ACYP2: variants seen among roughly 807,000 people sequenced by gnomAD.
ACYP2 encodes the protein acylphosphatase-2.
In ACYP2, 12 loss-of-function variants were observed where a neutral mutation model predicts 11.2. That is an observed-to-expected ratio of 1.08 (90% confidence interval 0.69 to 1.74). The LOEUF is 1.74. Ranked by LOEUF, ACYP2 falls within the 40% of genes most tolerant of loss-of-function variation. ACYP2 has a pLI of 0.00. For synonymous variants in ACYP2, 43 were observed against 32.2 expected, an observed-to-expected ratio of 1.33 and a Z score of -1.13; for missense variants, 134 against 101.9, an observed-to-expected ratio of 1.31 and a Z score of -1.35.
intron 6 of ACYP2, among the ~76,000 whole-genome samples, chr2:54,211,762 G>C (rs1219266096): frequency 6.6e-6 from 1 of 152,070 alleles, no homozygotes; most frequent in Non-Finnish European, 1.5e-5. Context: ...CCATTTCTTT[G>C]TCTATGTATT....
At chr2:54,001,712 G>A (rs923142891) in intron 2 of ACYP2, among the ~76,000 whole-genome samples, 3 of 152,154 alleles carry the variant, frequency 2.0e-5, no homozygotes, top group Admixed American at 1.3e-4. Context: ...TTATTTCTGC[G>A]TCCTATTCCT....
At chr2:54,101,689 AAC>A (rs1280913791) in intron 4 of ACYP2, among the ~76,000 whole-genome samples, 2 of 143,982 alleles carry the variant, frequency 1.4e-5, no homozygotes, top group Non-Finnish European at 3.1e-5. Context: ...AAAAAAAAAA[AAC>A]TGCCAGGTGA....
chr2:54,120,593 T>G (rs1262201955), intron 4 of ACYP2, among the ~76,000 whole-genome samples: 1 of 152,166 alleles, frequency 6.6e-6, no homozygotes, highest in Non-Finnish European at 1.5e-5. Flanking sequence ...CAGTGCCACT[T>G]TGCCAGCCAG....
intron 4 of ACYP2, among the ~76,000 whole-genome samples, chr2:54,076,726 G>T (rs1207000809): frequency 1.3e-5 from 2 of 152,154 alleles, no homozygotes; most frequent in Admixed American, 1.3e-4. Flanking sequence ...GGGAGAGAGA[G>T]AGAGGGTACA....
At chr2:54,171,151 G>A in intron 6 of ACYP2, among the ~76,000 whole-genome samples, 1 of 152,132 alleles carries the variant, frequency 6.6e-6, no homozygotes, top group East Asian at 1.9e-4. Flanking sequence ...TATGTGATCA[G>A]CAGGGGACAG....
At chr2:54,266,146 A>G (rs973749879) in intron 6 of ACYP2, among the ~76,000 whole-genome samples, 4 of 152,242 alleles carry the variant, frequency 2.6e-5, no homozygotes, top group Non-Finnish European at 5.9e-5. Context: ...CTTCAAAATA[A>G]CAATAATGGA....
chr2:53,977,734 CAAAA>C (rs56342315), intron 2 of ACYP2, among the ~76,000 whole-genome samples: 1 of 71,560 alleles, frequency 1.4e-5, no homozygotes. Context: ...GACTCCATCT[CAAAA>C]AAAAAAAAAA....
chr2:54,084,108 G>T lies in ACYP2; in HGVS notation c.277+26748G>T, dbSNP rs114847297. Reference sequence around the variant, plus strand: ...TATAACGTTTCTTCCATCTCTAAAGGTTCAGCTCCTTACATGGGCTTTGGT... The same window carrying T: ...TATAACGTTTCTTCCATCTCTAAAGTTTCAGCTCCTTACATGGGCTTTGGT... On this transcript the variant is annotated intron_variant, in intron 4 of 6. Coordinates refer to ENST00000607452, the MANE Select transcript of ACYP2 (RefSeq NM_001320586.2). 1.2e-4 allele frequency among the ~76,000 whole-genome samples: 18 copies of T among 151,874 alleles called. No homozygotes were observed. The East Asian group carries it at 1.7e-3, about 15-fold the overall frequency.
chr2:54,177,001 T>A, intron 6 of ACYP2, among the ~76,000 whole-genome samples: 1 of 152,188 alleles, frequency 6.6e-6, no homozygotes, highest in East Asian at 1.9e-4. Flanking sequence ...CAAACCCGCA[T>A]GCAAATCTCA....
At position 54,304,836 on chromosome 2, in the gene ACYP2, G is replaced by A. The variant is rs1420707961; in HGVS notation, c.*34G>A. On this transcript the variant is annotated 3_prime_UTR_variant, in exon 7 of 7. Coordinates refer to ENST00000607452, the MANE Select transcript of ACYP2 (RefSeq NM_001320586.2). ...AAAAATTGTAACACACTGAACAATA[G>A]ATACTGTATGTTCTTAAGACTATGT... The A allele has an allele frequency of 8.3e-7, 1 of 1,199,736 alleles. No homozygotes were observed. The highest frequency in any genetic ancestry group is 1.3e-5 in the South Asian group (1 of 79,178). 74.3% of individuals were successfully genotyped at this position (1,199,736 alleles called of 1,614,324 possible). A position where few individuals can be genotyped will look rare whatever the true frequency, so the allele number is the denominator to read the frequency against.
rs1678672794 is a variant in ACYP2, at chr2:54,097,830, A to G, written c.278-37623A>G. Among the ~76,000 whole-genome samples, 5 of 151,132 alleles carry G rather than the reference A, an allele frequency of 3.3e-5. No individual in the cohort carries two copies. In the South Asian group the frequency reaches 1.0e-3, roughly 32 times the overall value. ...ACCATGCTATTATTATACCTAATGAATTAACAATTTCTTTTATTTTCTTCT... is the reference window on the plus strand; with the variant it reads ...ACCATGCTATTATTATACCTAATGAGTTAACAATTTCTTTTATTTTCTTCT... On this transcript the variant is annotated intron_variant, in intron 4 of 6. Transcript: ENST00000607452.
chr2:54,218,578 T>A (rs1239379614), intron 6 of ACYP2, among the ~76,000 whole-genome samples: 2 of 152,206 alleles, frequency 1.3e-5, no homozygotes, highest in Non-Finnish European at 2.9e-5. Context: ...AGGATTGCAT[T>A]TTGCTTCATT....
chr2:54,248,748 C>G (rs12615749), intron 6 of ACYP2, among the ~76,000 whole-genome samples: 20,036 of 152,172 alleles, frequency 0.13, 1,271 homozygotes, highest in East Asian at 0.16. Context: ...CCTTGAAGAA[C>G]TTAAAATTGA....
rs190841781 is a variant in ACYP2, at chr2:54,036,245, C to T, written c.63-14713C>T. ...ACGTAGCTGGGATTACAGCAGTATG[C>T]CACCACACCTGGCTAATTTTTGTAT... On this transcript the variant is annotated intron_variant, in intron 2 of 6. Coordinates refer to ENST00000607452, the MANE Select transcript of ACYP2 (RefSeq NM_001320586.2). Among the ~76,000 whole-genome samples the T allele has an allele frequency of 2.6e-3, 395 of 152,248 alleles. 1 individual carries two copies. The highest frequency in any genetic ancestry group is 7.8e-3 in the African/African-American group (325 of 41,544).
intron 6 of ACYP2, among the ~76,000 whole-genome samples, chr2:54,249,623 G>A (rs1327174900): frequency 6.6e-6 from 1 of 152,014 alleles, no homozygotes; most frequent in Non-Finnish European, 1.5e-5. Context: ...ATATTTAGAA[G>A]AGATTATGTT....
intron 6 of ACYP2, among the ~76,000 whole-genome samples, chr2:54,241,828 C>G (rs903401810): frequency 2.0e-5 from 3 of 152,118 alleles, no homozygotes; most frequent in African/African-American, 7.2e-5. Flanking sequence ...GCCTGGCCAA[C>G]GTGGTGAAAC....
intron 4 of ACYP2, among the ~76,000 whole-genome samples, chr2:54,075,357 G>A (rs182206262): frequency 3.4e-4 from 52 of 152,216 alleles, no homozygotes; most frequent in African/African-American, 8.9e-4. Flanking sequence ...AAATTAGCTG[G>A]GAATGGTGGC....
intron 2 of ACYP2, among the ~76,000 whole-genome samples, chr2:54,040,735 G>A (rs1675177780): frequency 6.6e-6 from 1 of 152,198 alleles, no homozygotes; most frequent in Non-Finnish European, 1.5e-5. Flanking sequence ...GTTGGATATA[G>A]CAACAGGAAA....
chr2:54,107,281 T>A (rs1167469071), intron 4 of ACYP2, among the ~76,000 whole-genome samples: 2 of 152,220 alleles, frequency 1.3e-5, no homozygotes, highest in Non-Finnish European at 2.9e-5. Flanking sequence ...TGTGACTAAT[T>A]TGCATAATAC....
Sources: gnomAD v4.1 joint callset for allele counts (sites outside exome capture counted in the v4.1 genomes callset) on GRCh38, gnomAD v4.1.1 for gene constraint, MANE v1.5 for transcripts, NCBI Gene and HGNC (gene_info 2026-07-23, HGNC 2026-07-21) for gene names.